DNAAF5: variants seen among roughly 807,000 people sequenced by gnomAD.
The protein encoded by DNAAF5 is HEAT repeat containing 2.
Under a neutral mutation model 75.8 loss-of-function variants are expected in DNAAF5, and 64 were observed. That is an observed-to-expected ratio of 0.84 (90% CI 0.69 to 1.04). The LOEUF (loss-of-function observed/expected upper bound fraction) is 1.04, where lower values mean the gene tolerates loss of function less well. Ranked by LOEUF, DNAAF5 falls within the 50% of genes least tolerant of loss-of-function variation. The pLI is 0.00. For synonymous variants in DNAAF5, 657 were observed against 557.2 expected (o/e 1.18, Z -2.52); for missense variants, 1,269 against 1,178.5 (o/e 1.08, Z -1.12).
chr7:736,487 T>C (rs1186806652), intron 2 of DNAAF5, among the ~76,000 whole-genome samples: 1 of 152,372 alleles, frequency 6.6e-6, no homozygotes, highest in East Asian at 1.9e-4. Flanking sequence ...ATAGTTTTCG[T>C]CTTGAAATCT....
At chr7:753,024 C>T (rs1417462851) in intron 4 of DNAAF5, among the ~76,000 whole-genome samples, 3 of 152,134 alleles carry the variant, frequency 2.0e-5, no homozygotes, top group Non-Finnish European at 4.4e-5. Context: ...CTGTGCCTCT[C>T]GGACTGCTTT....
At position 775,019 on chromosome 7, in the gene DNAAF5, A is replaced by C. The variant is rs915069252; in HGVS notation, c.2096A>C (p.Gln699Pro). Residue 699 changes from glutamine to proline, a missense_variant, in exon 11 of 13, where the codon CAG (glutamine) becomes CCG (proline). Coordinates refer to ENST00000297440, the MANE Select transcript of DNAAF5 (RefSeq NM_017802.4). ...TGCTGATTGCAGATACGGGACGTGC[A>C]GGAAACACTGATGCCCCAGGTCCTG... ...VLSAEQIRDV[Q>P]ETLMPQVLTT... The C allele has an allele frequency of 1.5e-5, 24 of 1,613,902 alleles. No individual in the cohort carries two copies. Among genetic ancestry groups the C allele is most frequent in the Non-Finnish European group, 1.7e-5 (20 of 1,179,960 alleles).
At chr7:763,560 G>A (rs1000659497) in intron 7 of DNAAF5, among the ~76,000 whole-genome samples, 2 of 152,226 alleles carry the variant, frequency 1.3e-5, no homozygotes. Context: ...TGTGCACAGT[G>A]CCTGCTTCAT....
At chr7:760,005 G>C (rs1294566641) in intron 6 of DNAAF5, among the ~76,000 whole-genome samples, 2 of 152,178 alleles carry the variant, frequency 1.3e-5, no homozygotes, top group Non-Finnish European at 2.9e-5. Context: ...ACAAATCTGT[G>C]GCTTCTGTGG....
chr7:785,734 C>A lies in DNAAF5; in HGVS notation c.*81C>A, dbSNP rs945997443. The stretch of plus-strand genomic sequence containing the variant: ...GCCTTTAAATCTCATAAACAAGGCA[C>A]CTCTGTGCCAGCAGTGAGACTGTGA... On this transcript the variant is annotated 3_prime_UTR_variant, in exon 13 of 13. Transcript: ENST00000297440. The A allele has an allele frequency of 2.5e-5, 38 of 1,516,200 alleles. No homozygotes were observed. The highest frequency in any genetic ancestry group is 3.4e-5 in the Non-Finnish European group (38 of 1,119,490). The allele number at this position is 1,516,200 out of a possible 1,614,324, so 93.9% of individuals were successfully genotyped here.
chr7:766,791 CAG>C (rs570954370), intron 8 of DNAAF5, among the ~76,000 whole-genome samples: 1 of 152,126 alleles, frequency 6.6e-6, no homozygotes, highest in African/African-American at 2.4e-5. Context: ...GCCCGGACAA[CAG>C]AGAGAGACCA....
intron 1 of DNAAF5, among the ~76,000 whole-genome samples, chr7:729,131 G>T (rs1489646287): frequency 6.6e-6 from 1 of 152,044 alleles, no homozygotes; most frequent in Non-Finnish European, 1.5e-5. Context: ...CAAGTAGCTG[G>T]GATTACAGGC....
At chr7:757,955 C>G (rs1191257377) in intron 6 of DNAAF5, among the ~76,000 whole-genome samples, 3 of 152,170 alleles carry the variant, frequency 2.0e-5, no homozygotes, top group Non-Finnish European at 2.9e-5. Context: ...GTCCTCAGAA[C>G]GAGAGGTGGG....
intron 1 of DNAAF5, among the ~76,000 whole-genome samples, chr7:729,144 C>T (rs1206530394): frequency 1.3e-5 from 2 of 152,134 alleles, no homozygotes; most frequent in Non-Finnish European, 2.9e-5. Flanking sequence ...TTACAGGCGC[C>T]TGCCACCTCT....
chr7:775,921 T>C (rs550384363), intron 11 of DNAAF5, among the ~76,000 whole-genome samples: 4 of 152,352 alleles, frequency 2.6e-5, no homozygotes, highest in Non-Finnish European at 4.4e-5. Flanking sequence ...TGCCTTTTTT[T>C]ATCAGAGACT....
rs1781309739 is a variant in DNAAF5, at chr7:726,766, G to C, written c.46G>C (p.Ala16Pro). 1 of 1,261,680 alleles carries C rather than the reference G, an allele frequency of 7.9e-7. No homozygotes were observed. The allele number at this position is 1,261,680 out of a possible 1,614,324, so 78.2% of individuals were successfully genotyped here. A position where few individuals can be genotyped will look rare whatever the true frequency, so the allele number is the denominator to read the frequency against. The change falls in exon 1 of 13, where the codon GCT becomes CCT. Residue 16 changes from alanine to proline, a missense_variant. Ala to Pro is a conservative substitution (Grantham distance 27). Transcript: ENST00000297440. ...VAEAVAAPHP[A>P]EGAETAEAVE... ...GGAGGCCGTGGCGGCCCCACACCCG[G>C]CTGAGGGGGCCGAGACGGCTGAGGC...
intron 4 of DNAAF5, among the ~76,000 whole-genome samples, chr7:746,184 C>T (rs913026406): frequency 1.3e-5 from 2 of 152,144 alleles, no homozygotes; most frequent in Non-Finnish European, 2.9e-5. Context: ...TGCACTGGCC[C>T]TGTATTGCCA....
At chr7:735,222 T>C (rs28488222) in intron 2 of DNAAF5, among the ~76,000 whole-genome samples, 123,912 of 146,894 alleles carry the variant, frequency 0.84, 51,957 homozygotes, top group South Asian at 0.91. Flanking sequence ...TGTCATTGCT[T>C]ATATTGTAGT....
chr7:785,573 G>A lies in DNAAF5; in HGVS notation c.2488G>A (p.Ala830Thr). Residue 830 changes from alanine to threonine, a missense_variant, in exon 13 of 13, where the codon GCC (alanine) becomes ACC (threonine). Transcript: ENST00000297440. ...AGATCTCCTGGTGAGGGAGACGGAG[G>A]CCGTCATCCACAAGCACCGCTCGGC... ...FPDLLVRETE[A>T]VIHKHRSATY... 1 of 1,613,416 alleles carries A rather than the reference G, an allele frequency of 6.2e-7. No individual in the cohort carries two copies. Among genetic ancestry groups the A allele is most frequent in the South Asian group, 1.1e-5 (1 of 91,088 alleles).
intron 2 of DNAAF5, among the ~76,000 whole-genome samples, chr7:736,730 C>T (rs1319268100): frequency 6.6e-6 from 1 of 152,162 alleles, no homozygotes; most frequent in Non-Finnish European, 1.5e-5. Context: ...TAAGGACTTA[C>T]TCCTGCCGTT....
In DNAAF5 at chr7:729,857, G is replaced by GT; in HGVS notation, c.780+13dup. ...TGATGACGTCCCGCAGGTAACTGGT[G>GT]TTTCTCCTGGACAGTCTGTTCCTCT... On this transcript the variant is annotated intron_variant, in intron 2 of 12. Transcript: ENST00000297440. 6.2e-7 allele frequency: 1 copy of GT among 1,613,814 alleles called. No homozygotes were observed. The highest frequency in any genetic ancestry group is 8.5e-7 in the Non-Finnish European group (1 of 1,179,824).
intron 6 of DNAAF5, among the ~76,000 whole-genome samples, chr7:757,256 C>T (rs1188373522): frequency 6.6e-6 from 1 of 152,254 alleles, no homozygotes; most frequent in Non-Finnish European, 1.5e-5. Flanking sequence ...CAGCCCCAGC[C>T]CCAGCTGCAG....
At chr7:767,008 G>C (rs1778322255) in intron 8 of DNAAF5, among the ~76,000 whole-genome samples, 1 of 152,116 alleles carries the variant, frequency 6.6e-6, no homozygotes, top group Non-Finnish European at 1.5e-5. Context: ...GGGAGGCCGA[G>C]GCAGGCAGAT....
intron 1 of DNAAF5, 100 bp from the exon 2 acceptor site, chr7:729,563 T>G (rs1583471758): frequency 9.0e-7 from 1 of 1,117,044 alleles, no homozygotes; most frequent in Admixed American, 2.3e-5. Context: ...GGAAGGGAGG[T>G]GAGGAACTCA....
Sources: allele counts gnomAD v4.1 joint callset (sites outside exome capture counted in the v4.1 genomes callset), GRCh38; gene constraint gnomAD v4.1.1; transcripts MANE v1.5; gene names NCBI Gene and HGNC (gene_info 2026-07-23, HGNC 2026-07-21).